The following OLAH variants were observed in gnomAD, a reference collection of about 807,000 sequenced individuals.
The protein encoded by OLAH is oleoyl-ACP hydrolase, also known as S-acyl fatty acid synthase thioesterase, medium chain.
Under a neutral mutation model 27.8 loss-of-function variants are expected in OLAH, and 33 were observed. The observed-to-expected ratio is 1.19, with a 90% confidence interval of 0.90 to 1.59. The LOEUF (loss-of-function observed/expected upper bound fraction) is 1.59, where lower values mean the gene tolerates loss of function less well. Among genes scored for constraint, OLAH ranks in the 40% most tolerant of loss-of-function variants. The probability of loss-of-function intolerance (pLI) is 0.00; values close to 1 mark genes in which losing one functional copy is unlikely to be tolerated. For synonymous variants in OLAH, 120 were observed against 102.9 expected (o/e 1.17, Z -1.01); for missense variants, 359 against 310.8 (o/e 1.16, Z -1.17).
At position 15,073,173 on chromosome 10, in the gene OLAH, TTAATCAAGAACTACA is replaced by T. The variant is rs764803294; in HGVS notation, c.751_765del (p.Asn251_Lys255del). 1.9e-6 allele frequency: 3 copies of T among 1,610,510 alleles called. No homozygotes were observed. ...TCTTCTGGATCCTGCGAACGAGAAA[TTAATCAAGAACTACA>T]TAATCAAGTGTCTAGAAGTATCATC... On this transcript the variant is annotated inframe_deletion, in exon 8 of 8. Transcript: ENST00000378228.
In OLAH at chr10:15,071,796, T is replaced by C. The variant is rs745345378; in HGVS notation, c.574T>C (p.Ser192Pro). 9.3e-6 allele frequency: 15 copies of C among 1,610,460 alleles called. No individual in the cohort carries two copies. Among genetic ancestry groups the C allele is most frequent in the Non-Finnish European group, 1.3e-5 (15 of 1,177,036 alleles). Residue 192 changes from serine to proline, a missense_variant and splice_region_variant, in exon 7 of 8, where the codon TCT (serine) becomes CCT (proline). Coordinates refer to ENST00000378228, the MANE Select transcript of OLAH (RefSeq NM_001039702.3). The part of the protein sequence containing the change: ...ADLNIVRSCT[S>P]NVPSKAVLSC... Reference sequence around the variant, plus strand: ...TAACCAGCTCTTTTATGTTTATAGCTCTAACGTACCATCTAAGGCTGTTCT... The same window carrying C: ...TAACCAGCTCTTTTATGTTTATAGCCCTAACGTACCATCTAAGGCTGTTCT...
At chr10:15,068,074 T>C (rs1844503028) in intron 6 of OLAH, 1 of 152,242 alleles carries the variant, frequency 6.6e-6, no homozygotes. Context: ...TAATTTCCTC[T>C]GACTGTCTTC....
intron 3 of OLAH, among the ~76,000 whole-genome samples, chr10:15,055,233 G>A (rs186264958): frequency 5.3e-5 from 8 of 152,208 alleles, no homozygotes; most frequent in South Asian, 2.1e-4. Context: ...CTTTGTTTAC[G>A]ACAAAGTGTG....
Position 15,065,530 on chromosome 10 carries a change from G to A in OLAH, c.403-54G>A, listed in dbSNP as rs1844449607. ...CTTAGATCAACAGTTTTCAGTTTAT[G>A]AGCCAAGTGTGTTATATGAAATATC... On this transcript the variant is annotated intron_variant, in intron 5 of 7. Transcript: ENST00000378228. 31 of 1,535,498 alleles carry A rather than the reference G, an allele frequency of 2.0e-5. No homozygotes were observed. In the East Asian group the frequency reaches 7.0e-4, roughly 35 times the overall value.
At position 15,059,438 on chromosome 10, in the gene OLAH, C is replaced by T. The variant is rs187444468; in HGVS notation, c.164-2286C>T. On this transcript the variant is annotated intron_variant, in intron 3 of 7. Coordinates refer to ENST00000378228, the MANE Select transcript of OLAH (RefSeq NM_001039702.3). ...TCCTGGGCTCAAGCACCTTCAGCCTCGGCCTCCCAAAGTGCTGGGATTACA... is the reference window on the plus strand; with the variant it reads ...TCCTGGGCTCAAGCACCTTCAGCCTTGGCCTCCCAAAGTGCTGGGATTACA... Among the ~76,000 whole-genome samples the T allele has an allele frequency of 7.5e-3, 1,137 of 151,830 alleles. 10 individuals carry two copies. Among genetic ancestry groups the T allele is most frequent in the Non-Finnish European group, 0.011 (773 of 67,948 alleles).
chr10:15,062,742 T>A (rs923161464), intron 4 of OLAH, among the ~76,000 whole-genome samples: 1 of 140,784 alleles, frequency 7.1e-6, no homozygotes, highest in Non-Finnish European at 1.5e-5. Context: ...GTGAACATTC[T>A]TTTTTTTTTT....
At chr10:15,061,916 T>C (rs1329377613) in intron 4 of OLAH, 54 bp downstream of exon 4, 1 of 1,551,458 alleles carries the variant, frequency 6.4e-7, no homozygotes. Context: ...ATCTGAAGTT[T>C]GAGGTTAATG....
At chr10:15,055,292 T>C (rs181692748) in intron 3 of OLAH, among the ~76,000 whole-genome samples, 3 of 152,322 alleles carry the variant, frequency 2.0e-5, no homozygotes, top group African/African-American at 7.2e-5. Flanking sequence ...GGAGCTAAGG[T>C]TGGTTGCTGA....
At chr10:15,064,357 A>G in intron 4 of OLAH, 46 bp from the exon 5 acceptor site, 1 of 1,112,602 alleles carries the variant, frequency 9.0e-7, no homozygotes, top group Admixed American at 2.0e-5. Context: ...GATCATCACG[A>G]GTTTTGCTTA....
chr10:15,047,131 G>A lies in OLAH; in HGVS notation c.-158G>A. 1.8e-6 allele frequency: 1 copy of A among 559,412 alleles called. No individual in the cohort carries two copies. The highest frequency in any genetic ancestry group is 3.1e-6 in the Non-Finnish European group (1 of 320,666). The allele number at this position is 559,412 out of a possible 1,614,324, so 34.7% of individuals were successfully genotyped here. A position where few individuals can be genotyped will look rare whatever the true frequency, so the allele number is the denominator to read the frequency against. The stretch of plus-strand genomic sequence containing the variant: ...ACCTTCTTTATTTTTAACAGGGATT[G>A]GAGAGGTCAATAAGAGTCAGCGCCT... On this transcript the variant is annotated 5_prime_UTR_variant, in exon 2 of 8. Transcript: ENST00000378228.
At chr10:15,038,169 T>C (rs927369195) in intron 1 of OLAH, among the ~76,000 whole-genome samples, 1 of 152,232 alleles carries the variant, frequency 6.6e-6, no homozygotes, top group Admixed American at 6.5e-5. Flanking sequence ...ATTTCTCCCA[T>C]TTGGAACTGC....
At chr10:15,061,115 T>C (rs1844353724) in intron 3 of OLAH, among the ~76,000 whole-genome samples, 1 of 152,102 alleles carries the variant, frequency 6.6e-6, no homozygotes, top group Non-Finnish European at 1.5e-5. Flanking sequence ...TCTACCAAGA[T>C]AACATAAATA....
In OLAH at chr10:15,063,588, T is replaced by C. The variant is rs375852970; in HGVS notation, c.303-815T>C. 1.7e-4 allele frequency among the ~76,000 whole-genome samples: 26 copies of C among 152,344 alleles called. No individual in the cohort carries two copies. In the South Asian group the frequency reaches 2.1e-3, roughly 12 times the overall value. The stretch of plus-strand genomic sequence containing the variant: ...GTTTTGTCAACCAAATGTATTTACA[T>C]AATATCAACATTTTCAATCCCAGTA... On this transcript the variant is annotated intron_variant, in intron 4 of 7. Transcript: ENST00000378228.
chr10:15,054,038 C>CTT (rs1468784532), intron 3 of OLAH, among the ~76,000 whole-genome samples: 2 of 120,158 alleles, frequency 1.7e-5, no homozygotes, highest in Non-Finnish European at 3.5e-5. Context: ...TCCTCTTAAG[C>CTT]ATTTTTTTTT....
At position 15,045,542 on chromosome 10, in the gene OLAH, T is replaced by C. The variant is rs574220090; in HGVS notation, c.-164+1556T>C. Among the ~76,000 whole-genome samples the C allele has an allele frequency of 5.9e-5, 9 of 152,312 alleles. No homozygotes were observed. In the South Asian group the frequency reaches 1.9e-3, roughly 32 times the overall value. On this transcript the variant is annotated intron_variant, in intron 1 of 7. Transcript: ENST00000378228. Reference sequence around the variant, plus strand: ...GATGGTGGCTCTGGCCCAGAATTACTAAGAAAAGGCTCTAAGAAACAAACA... The same window carrying C: ...GATGGTGGCTCTGGCCCAGAATTACCAAGAAAAGGCTCTAAGAAACAAACA...
At chr10:15,041,277 T>A (rs1157275166), upstream of OLAH, among the ~76,000 whole-genome samples, 1 of 131,730 alleles carries the variant, frequency 7.6e-6, no homozygotes, top group Non-Finnish European at 1.7e-5. Context: ...TATTTTTATT[T>A]TTATTTTTAT....
At chr10:15,048,418 A>C (rs1365618732) in intron 2 of OLAH, among the ~76,000 whole-genome samples, 1 of 152,182 alleles carries the variant, frequency 6.6e-6, no homozygotes, top group African/African-American at 2.4e-5. Flanking sequence ...GGGCTTCGCC[A>C]TGTTGGCCAG....
chr10:15,041,724 C>T (rs1211923182), upstream of OLAH, among the ~76,000 whole-genome samples: 1 of 151,308 alleles, frequency 6.6e-6, no homozygotes, highest in Non-Finnish European at 1.5e-5. Context: ...TACAGGCGTG[C>T]ACCATGACAT....
chr10:15,068,124 T>A (rs1414747070), intron 6 of OLAH: 1 of 152,254 alleles, frequency 6.6e-6, no homozygotes, highest in Non-Finnish European at 1.5e-5. Flanking sequence ...AGTCTACTGA[T>A]GAGCCTGTCA....
Sources: allele counts gnomAD v4.1 joint callset (sites outside exome capture counted in the v4.1 genomes callset), GRCh38; gene constraint gnomAD v4.1.1; transcripts MANE v1.5; gene names NCBI Gene and HGNC (gene_info 2026-07-23, HGNC 2026-07-21).